The following CABLES1 variants were observed in gnomAD, a reference collection of about 807,000 sequenced individuals.
CABLES1 encodes CDK5 and ABL1 enzyme substrate 1.
CABLES1 carries 36 observed loss-of-function variants against 57.8 expected under a neutral mutation model. The ratio of observed to expected loss-of-function variants is 0.62; its 90% CI spans 0.48 to 0.82. CABLES1 has a LOEUF of 0.82. Ranked by LOEUF, CABLES1 falls within the 40% of genes least tolerant of loss-of-function variation. The pLI, the probability that CABLES1 is intolerant of heterozygous loss-of-function variation, is 0.00. For synonymous variants in CABLES1, 374 were observed against 363.0 expected (o/e 1.03, Z -0.35); for missense variants, 767 against 836.6 (o/e 0.92, Z 1.03).
intron 2 of CABLES1, among the ~76,000 whole-genome samples, chr18:23,190,053 A>G (rs1382253181): frequency 1.3e-5 from 2 of 152,232 alleles, no homozygotes; most frequent in African/African-American, 4.8e-5. Context: ...GATGTGTGGT[A>G]TGTGGCTGTG....
chr18:23,183,203 C>G (rs904615289), intron 1 of CABLES1, among the ~76,000 whole-genome samples: 21 of 152,358 alleles, frequency 1.4e-4, no homozygotes, highest in African/African-American at 5.0e-4. Flanking sequence ...GGGCCTGCCT[C>G]TCCCAGTGCT....
At chr18:23,246,648 C>T (rs1333991093) in intron 7 of CABLES1, among the ~76,000 whole-genome samples, 1 of 151,690 alleles carries the variant, frequency 6.6e-6, no homozygotes, top group Non-Finnish European at 1.5e-5. Context: ...ACCTTGGCCT[C>T]CCAAAGTGCT....
At chr18:23,165,803 G>C (rs1025541824) in intron 1 of CABLES1, among the ~76,000 whole-genome samples, 1 of 152,124 alleles carries the variant, frequency 6.6e-6, no homozygotes, top group South Asian at 2.1e-4. Flanking sequence ...GAATGATGCC[G>C]CTATGAGCAT....
In CABLES1 at chr18:23,226,632, A is replaced by G. The variant is rs1037706153; in HGVS notation, c.1089-7976A>G. Among the ~76,000 whole-genome samples the G allele has an allele frequency of 3.3e-5, 5 of 152,290 alleles. 1 individual carries two copies. The highest frequency in any genetic ancestry group is 1.5e-5 in the Non-Finnish European group (1 of 68,026). ...AATGAAAAATGCATTCTGAGTTCCAACTTGCCAGCCCAGGAGCTTCTAGAG... is the reference window on the plus strand; with the variant it reads ...AATGAAAAATGCATTCTGAGTTCCAGCTTGCCAGCCCAGGAGCTTCTAGAG... On this transcript the variant is annotated intron_variant, in intron 4 of 9. Transcript: ENST00000256925.
At chr18:23,247,689 G>A (rs559178199) in intron 7 of CABLES1, among the ~76,000 whole-genome samples, 3 of 152,348 alleles carry the variant, frequency 2.0e-5, no homozygotes, top group African/African-American at 2.4e-5. Context: ...TTTGAATCCA[G>A]GACTCTGGCT....
At chr18:23,172,824 C>T (rs982871461) in intron 1 of CABLES1, among the ~76,000 whole-genome samples, 32 of 152,162 alleles carry the variant, frequency 2.1e-4, no homozygotes, top group African/African-American at 7.7e-4. Flanking sequence ...GAGGCAGATG[C>T]ACTAATAATA....
At chr18:23,144,641 G>A (rs1334573864) in intron 1 of CABLES1, among the ~76,000 whole-genome samples, 2 of 152,196 alleles carry the variant, frequency 1.3e-5, no homozygotes, top group African/African-American at 4.8e-5. Context: ...GGATGGTTAA[G>A]GAAATTTGTC....
At chr18:23,178,857 C>T (rs998930343) in intron 1 of CABLES1, among the ~76,000 whole-genome samples, 5 of 152,120 alleles carry the variant, frequency 3.3e-5, no homozygotes, top group African/African-American at 1.2e-4. Flanking sequence ...TAGAGAGTCG[C>T]TTTCTTGACC....
intron 4 of CABLES1, 109 bp from the exon 5 acceptor site, chr18:23,234,499 C>T (rs1355451683): frequency 2.3e-5 from 19 of 824,024 alleles, no homozygotes; most frequent in Admixed American, 8.2e-5. Flanking sequence ...CCAGGGCTCA[C>T]CTGGTCATTT....
chr18:23,259,433 T>C lies in CABLES1; in HGVS notation c.*2066T>C. On this transcript the variant is annotated 3_prime_UTR_variant, in exon 10 of 10. Transcript: ENST00000256925. ...ATAAAATCAGGCTAATTTACTTGGA[T>C]TTGGGGTGATTTGTTTGGTTTTTAG... The C allele has an allele frequency of 6.6e-6, 1 of 152,218 alleles. No individual in the cohort carries two copies. Among genetic ancestry groups the C allele is most frequent in the African/African-American group, 2.4e-5 (1 of 41,534 alleles). The allele number at this position is 152,218 out of a possible 1,614,324, so 9.4% of individuals were successfully genotyped here.
intron 3 of CABLES1, among the ~76,000 whole-genome samples, chr18:23,199,715 C>T (rs1483547795): frequency 6.6e-6 from 1 of 152,110 alleles, no homozygotes; most frequent in African/African-American, 2.4e-5. Context: ...TTAATGAGTA[C>T]AGAGTTTCTA....
rs916197601 is a variant in CABLES1 at position 23,195,729 on chromosome 18, T to G, written c.1010+1189T>G. Among the ~76,000 whole-genome samples the G allele has an allele frequency of 3.9e-5, 6 of 152,378 alleles. No individual in the cohort carries two copies. In the South Asian group the frequency reaches 6.2e-4, roughly 16 times the overall value. On this transcript the variant is annotated intron_variant, in intron 3 of 9. Transcript: ENST00000256925. ...CTTTTAGTTTAAATTTACCAAGTTATTTGTTAAATCGAATACTCTGAATTT... is the reference window on the plus strand; with the variant it reads ...CTTTTAGTTTAAATTTACCAAGTTAGTTGTTAAATCGAATACTCTGAATTT...
intron 1 of CABLES1, among the ~76,000 whole-genome samples, chr18:23,148,318 C>T (rs150628036): frequency 8.3e-4 from 127 of 152,242 alleles, no homozygotes; most frequent in Middle Eastern, 6.8e-3. Flanking sequence ...AGCAGGATAC[C>T]CTCTCCCGTG....
chr18:23,168,277 T>A (rs1266330345), intron 1 of CABLES1, among the ~76,000 whole-genome samples: 2 of 152,196 alleles, frequency 1.3e-5, no homozygotes, highest in Admixed American at 1.3e-4. Context: ...GAGTATGATT[T>A]AGCCTTAAAA....
intron 9 of CABLES1, among the ~76,000 whole-genome samples, chr18:23,255,478 A>C (rs546190099): frequency 2.6e-5 from 4 of 152,236 alleles, no homozygotes; most frequent in Admixed American, 1.3e-4. Flanking sequence ...CAGTAAATAC[A>C]TGAACCCAGA....
chr18:23,256,363 TG>T (rs2145145799), intron 9 of CABLES1, among the ~76,000 whole-genome samples: 1 of 152,360 alleles, frequency 6.6e-6, no homozygotes, highest in African/African-American at 2.4e-5. Flanking sequence ...ACTGTGAAAG[TG>T]GAGACTTCCC....
At chr18:23,170,105 T>G (rs1598809564) in intron 1 of CABLES1, among the ~76,000 whole-genome samples, 2 of 152,262 alleles carry the variant, frequency 1.3e-5, no homozygotes, top group East Asian at 3.9e-4. Context: ...AGAGACGTTG[T>G]TATCCATATC....
intron 1 of CABLES1, among the ~76,000 whole-genome samples, chr18:23,159,630 A>G (rs565963491): frequency 6.9e-4 from 105 of 152,366 alleles, no homozygotes; most frequent in African/African-American, 2.2e-3. Flanking sequence ...GGGACGAGAT[A>G]CACTGCTAAA....
chr18:23,180,652 G>A (rs528792495), intron 1 of CABLES1, among the ~76,000 whole-genome samples: 4 of 152,256 alleles, frequency 2.6e-5, no homozygotes, highest in African/African-American at 7.2e-5. Context: ...TGAGACTGCC[G>A]GTGCATGCCA....
Sources: gnomAD v4.1 joint callset for allele counts (sites outside exome capture counted in the v4.1 genomes callset) on GRCh38, gnomAD v4.1.1 for gene constraint, MANE v1.5 for transcripts, NCBI Gene and HGNC (gene_info 2026-07-23, HGNC 2026-07-21) for gene names.